Variants in RGS8 observed in about 807,000 individuals in gnomAD.
RGS8 encodes the protein regulator of G protein signaling 8, also known as regulator of G-protein signaling 8.
RGS8 carries 8 observed loss-of-function variants against 21.7 expected under a neutral mutation model. That is an observed-to-expected ratio of 0.37 (90% CI 0.22 to 0.66). The LOEUF (loss-of-function observed/expected upper bound fraction) is 0.66, where lower values mean the gene tolerates loss of function less well. Ranked by LOEUF, RGS8 falls within the 30% of genes least tolerant of loss-of-function variation. The pLI is 0.59. For missense variants in RGS8, 157 were observed against 217.9 expected (o/e 0.72, Z 1.76); for synonymous variants, 80 against 83.6 (o/e 0.96, Z 0.24).
chr1:182,741,160 C>T, the RGS8 span, among the ~76,000 whole-genome samples: 2,766 of 149,092 alleles, frequency 0.019, 70 homozygotes, highest in African/African-American at 0.066. Flanking sequence ...ACCTCCCGGA[C>T]GGGGCGGCTG....
chr1:182,729,878 C>T, the RGS8 span, among the ~76,000 whole-genome samples: 7 of 152,074 alleles, frequency 4.6e-5, no homozygotes, highest in South Asian at 4.1e-4. Context: ...AAAGAACGAA[C>T]GGAGGATCCC....
chr1:182,689,359 C>T (rs995308940), upstream of RGS8, among the ~76,000 whole-genome samples: 5 of 151,984 alleles, frequency 3.3e-5, no homozygotes, highest in African/African-American at 1.2e-4. Flanking sequence ...GGATCCCTTT[C>T]CTTCCCTGGT....
At chr1:182,726,669 T>C in the RGS8 span, among the ~76,000 whole-genome samples, 4 of 145,702 alleles carry the variant, frequency 2.7e-5, no homozygotes, top group African/African-American at 1.0e-4. Context: ...AGACTCTGTC[T>C]CAAAAAAAAA....
At chr1:182,672,774 A>G, upstream of RGS8, 1 of 1,611,680 alleles carries the variant, frequency 6.2e-7, no homozygotes, top group East Asian at 2.2e-5. Context: ...CATGATCCCT[A>G]TTTTTCTGTC....
At chr1:182,690,473 C>T in the RGS8 span, among the ~76,000 whole-genome samples, 1 of 152,196 alleles carries the variant, frequency 6.6e-6, no homozygotes, top group South Asian at 2.1e-4. Context: ...AGCATATAGG[C>T]ATGGATGTTT....
intron 1 of RGS8, among the ~76,000 whole-genome samples, chr1:182,679,009 A>T (rs1417781206): frequency 6.6e-6 from 1 of 152,122 alleles, no homozygotes; most frequent in Non-Finnish European, 1.5e-5. Context: ...CTGCCCTCAG[A>T]TGTGTCTATT....
At position 182,646,641 on chromosome 1, in the gene RGS8, G is replaced by A. The variant is rs185046277; in HGVS notation, c.*94C>T. On this transcript the variant is annotated 3_prime_UTR_variant, in exon 7 of 7. Transcript: ENST00000483095. Reference sequence around the variant, plus strand: ...CCAGCCTCCCACCCCCAATGCCACCGCTTTTGAACACCTATGACATTTCAC... The same window carrying A: ...CCAGCCTCCCACCCCCAATGCCACCACTTTTGAACACCTATGACATTTCAC... 1.2e-4 allele frequency: 126 copies of A among 1,094,836 alleles called. No individual in the cohort carries two copies. In the African/African-American group the frequency reaches 1.4e-3, roughly 12 times the overall value. The allele number at this position is 1,094,836 out of a possible 1,614,324, so 67.8% of individuals were successfully genotyped here. A position where few individuals can be genotyped will look rare whatever the true frequency, so the allele number is the denominator to read the frequency against.
At chr1:182,742,056 C>A in the RGS8 span, among the ~76,000 whole-genome samples, 19 of 149,764 alleles carry the variant, frequency 1.3e-4, no homozygotes, top group African/African-American at 3.9e-4. Context: ...CTCCTCACAT[C>A]CCGGACGGGG....
chr1:182,713,086 CTAAGAA>C, the RGS8 span, among the ~76,000 whole-genome samples: 2 of 152,166 alleles, frequency 1.3e-5, no homozygotes, highest in African/African-American at 4.8e-5. Context: ...TGGCGACCAA[CTAAGAA>C]TAAATCTTGG....
At chr1:182,732,265 T>TCACACACA in the RGS8 span, among the ~76,000 whole-genome samples, 2 of 83,584 alleles carry the variant, frequency 2.4e-5, no homozygotes, top group Non-Finnish European at 2.3e-5. Flanking sequence ...TCTCGCTCTC[T>TCACACACA]CTCTCATACA....
At chr1:182,695,921 C>T in the RGS8 span, among the ~76,000 whole-genome samples, 4 of 152,306 alleles carry the variant, frequency 2.6e-5, no homozygotes, top group East Asian at 1.9e-4. Flanking sequence ...CGTGCACCTA[C>T]ACCTGCCATT....
chr1:182,673,544 G>A (rs887341527), upstream of RGS8, among the ~76,000 whole-genome samples: 3 of 152,158 alleles, frequency 2.0e-5, no homozygotes, highest in Admixed American at 6.5e-5. Flanking sequence ...ACTACTCATT[G>A]TCTGTTGATA....
At chr1:182,683,269 A>AAAT (rs2102459089) in intron 1 of RGS8, among the ~76,000 whole-genome samples, 1 of 152,304 alleles carries the variant, frequency 6.6e-6, no homozygotes, top group South Asian at 2.1e-4. Flanking sequence ...CTCATTCTCA[A>AAAT]AATAATAACA....
At chr1:182,688,602 T>A (rs1001556287), upstream of RGS8, among the ~76,000 whole-genome samples, 2 of 152,196 alleles carry the variant, frequency 1.3e-5, no homozygotes, top group Admixed American at 6.5e-5. Context: ...TCCTGGGTTA[T>A]CTAGGCAGAC....
At chr1:182,720,870 C>A in the RGS8 span, among the ~76,000 whole-genome samples, 1 of 144,022 alleles carries the variant, frequency 6.9e-6, no homozygotes, top group African/African-American at 2.5e-5. Context: ...TACATATATA[C>A]ACATATATGT....
chr1:182,646,003 G>A (rs1176179016), downstream of RGS8: 2 of 152,242 alleles, frequency 1.3e-5, no homozygotes, highest in East Asian at 3.8e-4. Context: ...AGATTTGCAA[G>A]CTGTATCTTT....
At chr1:182,741,404 G>A in the RGS8 span, among the ~76,000 whole-genome samples, 2 of 137,612 alleles carry the variant, frequency 1.5e-5, no homozygotes, top group Non-Finnish European at 3.2e-5. Context: ...TGGCCGGGCG[G>A]GGGGCTGACC....
chr1:182,740,377 T>C, the RGS8 span, among the ~76,000 whole-genome samples: 2 of 152,160 alleles, frequency 1.3e-5, no homozygotes, highest in Non-Finnish European at 2.9e-5. Flanking sequence ...TGCTGAGCAC[T>C]ATACAGACAC....
chr1:182,688,796 C>A (rs115826160), upstream of RGS8, among the ~76,000 whole-genome samples: 3 of 152,128 alleles, frequency 2.0e-5, no homozygotes, highest in Non-Finnish European at 4.4e-5. Flanking sequence ...GGAGACCAAC[C>A]CAGCTGAAGT....
Sources: allele counts gnomAD v4.1 joint callset (sites outside exome capture counted in the v4.1 genomes callset), GRCh38; gene constraint gnomAD v4.1.1; transcripts MANE v1.5; gene names NCBI Gene and HGNC (gene_info 2026-07-23, HGNC 2026-07-21).